Variants in KCNMB2 observed in about 807,000 individuals in gnomAD.
KCNMB2 encodes potassium calcium-activated channel subfamily M regulatory beta subunit 2.
A neutral mutation model predicts 24.5 loss-of-function variants in KCNMB2; 9 were observed. The observed-to-expected ratio is 0.37, with a 90% CI of 0.22 to 0.64. The LOEUF (loss-of-function observed/expected upper bound fraction) is 0.64. KCNMB2 is among the 30% of genes least tolerant of loss of function. The probability of loss-of-function intolerance (pLI) is 0.63; values close to 1 mark genes in which losing one functional copy is unlikely to be tolerated. For synonymous variants in KCNMB2, 109 were observed against 104.4 expected (o/e 1.04, Z -0.27); for missense variants, 226 against 284.3 (o/e 0.79, Z 1.47).
At chr3:178,706,858 C>A (rs1722293822) in intron 1 of KCNMB2, among the ~76,000 whole-genome samples, 1 of 152,088 alleles carries the variant, frequency 6.6e-6, no homozygotes, top group African/African-American at 2.4e-5. Context: ...CATATCAACA[C>A]AAAACGCAGC....
At chr3:178,791,578 TAAC>T (rs77464644) in intron 1 of KCNMB2, among the ~76,000 whole-genome samples, 21,339 of 151,926 alleles carry the variant, frequency 0.14, 1,813 homozygotes, top group Non-Finnish European at 0.18. Flanking sequence ...AAAGGGATAA[TAAC>T]AGAGAAAATC....
intron 1 of KCNMB2, among the ~76,000 whole-genome samples, chr3:178,728,396 T>A (rs1358883928): frequency 6.6e-6 from 1 of 152,186 alleles, no homozygotes; most frequent in African/African-American, 2.4e-5. Flanking sequence ...GGGGAGAAAC[T>A]GCAGAAAGGA....
intron 2 of KCNMB2, among the ~76,000 whole-genome samples, chr3:178,817,765 A>T (rs376251858): frequency 1.1e-4 from 17 of 152,310 alleles, no homozygotes; most frequent in African/African-American, 3.8e-4. Flanking sequence ...TGTTCTAGCC[A>T]TCATTCCCTG....
intron 1 of KCNMB2, among the ~76,000 whole-genome samples, chr3:178,628,928 A>G (rs1389123855): frequency 6.6e-6 from 1 of 152,174 alleles, no homozygotes; most frequent in African/African-American, 2.4e-5. Context: ...AACTACTTTT[A>G]CCATAAGACC....
chr3:178,588,415 G>C (rs1461602083), intron 1 of KCNMB2, among the ~76,000 whole-genome samples: 1 of 152,104 alleles, frequency 6.6e-6, no homozygotes, highest in African/African-American at 2.4e-5. Context: ...TGCCTTAAGA[G>C]AGTGTTAGCA....
At chr3:178,571,695 CCT>C (rs962103168) in intron 1 of KCNMB2, among the ~76,000 whole-genome samples, 3 of 151,784 alleles carry the variant, frequency 2.0e-5, no homozygotes, top group African/African-American at 7.2e-5. Flanking sequence ...CCCCCAAACC[CCT>C]GACAGGCCCC....
chr3:178,608,562 T>C (rs1254543575), intron 1 of KCNMB2, among the ~76,000 whole-genome samples: 1 of 152,220 alleles, frequency 6.6e-6, no homozygotes, highest in African/African-American at 2.4e-5. Context: ...TTTTAAAATG[T>C]ACAATTAAGT....
chr3:178,806,826 T>C (rs1713990209), intron 1 of KCNMB2, among the ~76,000 whole-genome samples: 1 of 152,080 alleles, frequency 6.6e-6, no homozygotes, highest in Admixed American at 6.6e-5. Context: ...AGGCAGAGAC[T>C]CAACTGCCAT....
chr3:178,658,212 T>C (rs1047323962), intron 1 of KCNMB2, among the ~76,000 whole-genome samples: 4 of 152,228 alleles, frequency 2.6e-5, no homozygotes, highest in Admixed American at 6.5e-5. Context: ...ACAGCCATCA[T>C]TGGCTCTGAA....
At chr3:178,691,408 C>T (rs1344330228) in intron 1 of KCNMB2, among the ~76,000 whole-genome samples, 1 of 151,818 alleles carries the variant, frequency 6.6e-6, no homozygotes, top group Non-Finnish European at 1.5e-5. Flanking sequence ...CTTCTTCCCA[C>T]CCTCCAACCT....
intron 1 of KCNMB2, among the ~76,000 whole-genome samples, chr3:178,568,548 T>C (rs1198068001): frequency 6.6e-6 from 1 of 152,160 alleles, no homozygotes; most frequent in African/African-American, 2.4e-5. Flanking sequence ...ATGACATTCA[T>C]GCTATAATCA....
chr3:178,593,598 C>T (rs930914555), intron 1 of KCNMB2, among the ~76,000 whole-genome samples: 4 of 151,770 alleles, frequency 2.6e-5, no homozygotes, highest in Admixed American at 2.6e-4. Context: ...TTGATTTTGA[C>T]CGATGCTTAT....
chr3:178,743,369 C>T lies in KCNMB2; in HGVS notation c.-67-63974C>T, dbSNP rs1470858998. Among the ~76,000 whole-genome samples, 7 of 152,286 alleles carry T rather than the reference C, an allele frequency of 4.6e-5. No individual in the cohort carries two copies. In the East Asian group the frequency reaches 1.2e-3, roughly 25 times the overall value. ...GCCATTGCAGATGTCAGATGATGCC[C>T]ACCACACTTCCTCCTTAAAGCACTA... On this transcript the variant is annotated intron_variant, in intron 1 of 4. Coordinates refer to ENST00000452583, the MANE Select transcript of KCNMB2 (RefSeq NM_181361.3).
At chr3:178,777,174 G>T (rs956680855) in intron 1 of KCNMB2, among the ~76,000 whole-genome samples, 14 of 152,144 alleles carry the variant, frequency 9.2e-5, no homozygotes. Flanking sequence ...GGTGGCTCAC[G>T]CCTGTAATCC....
intron 1 of KCNMB2, among the ~76,000 whole-genome samples, chr3:178,549,277 C>T (rs1309694767): frequency 1.3e-5 from 2 of 150,756 alleles, no homozygotes; most frequent in Non-Finnish European, 3.0e-5. Context: ...TGCCTCGGGG[C>T]TTACCTTGCC....
intron 1 of KCNMB2, among the ~76,000 whole-genome samples, chr3:178,777,883 C>A (rs892675679): frequency 6.6e-6 from 1 of 152,084 alleles, no homozygotes; most frequent in South Asian, 2.1e-4. Flanking sequence ...CCTTAATAAC[C>A]CTGTTTACCC....
chr3:178,715,748 G>C (rs115330169), intron 1 of KCNMB2, among the ~76,000 whole-genome samples: 1,636 of 152,316 alleles, frequency 0.011, 26 homozygotes, highest in African/African-American at 0.037. Flanking sequence ...AGTACTCTGT[G>C]TGTTTAGTTG....
At chr3:178,604,818 A>C (rs1209801897) in intron 1 of KCNMB2, among the ~76,000 whole-genome samples, 1 of 152,206 alleles carries the variant, frequency 6.6e-6, no homozygotes, top group African/African-American at 2.4e-5. Flanking sequence ...AAAGTAAATC[A>C]TTTAAATCAA....
intron 1 of KCNMB2, among the ~76,000 whole-genome samples, chr3:178,563,988 A>T (rs1716417545): frequency 6.6e-6 from 1 of 152,166 alleles, no homozygotes; most frequent in Non-Finnish European, 1.5e-5. Context: ...TTTTTAAAAC[A>T]TTGAGATTCT....
Sources: allele counts gnomAD v4.1 joint callset (sites outside exome capture counted in the v4.1 genomes callset), GRCh38; gene constraint gnomAD v4.1.1; transcripts MANE v1.5; gene names NCBI Gene and HGNC (gene_info 2026-07-23, HGNC 2026-07-21).